The following TUSC3 variants were observed in gnomAD, a reference collection of about 807,000 sequenced individuals.
The protein encoded by TUSC3 is dolichyl-diphosphooligosaccharide--protein glycosyltransferase subunit TUSC3.
TUSC3 carries 45 observed loss-of-function variants against 44.8 expected under a neutral mutation model. The ratio of observed to expected loss-of-function variants is 1.00; its 90% confidence interval spans 0.79 to 1.29. The LOEUF is 1.29. Ranked by LOEUF, TUSC3 falls within the 50% of genes most tolerant of loss-of-function variation. TUSC3 has a pLI of 0.00. For missense variants in TUSC3, 519 were observed against 437.9 expected, an observed-to-expected ratio of 1.19 and a Z score of -1.65; for synonymous variants, 212 against 152.9, an observed-to-expected ratio of 1.39 and a Z score of -2.85.
chr8:15,462,313 T>C (rs1476265354), intron 1 of TUSC3, among the ~76,000 whole-genome samples: 1 of 152,000 alleles, frequency 6.6e-6, no homozygotes, highest in Non-Finnish European at 1.5e-5. Context: ...TACAACTCAA[T>C]AATAAAGAAA....
intron 2 of TUSC3, among the ~76,000 whole-genome samples, chr8:15,631,671 TGTG>T (rs1805770728): frequency 5.9e-5 from 1 of 16,956 alleles, no homozygotes; most frequent in Non-Finnish European, 1.2e-4. Context: ...AAGGCTGTTG[TGTG>T]TGTGTGTGTG....
chr8:15,499,681 G>A (rs1217186098), intron 2 of TUSC3, among the ~76,000 whole-genome samples: 1 of 152,160 alleles, frequency 6.6e-6, no homozygotes, highest in African/African-American at 2.4e-5. Context: ...TATTCTGGGT[G>A]TGTCTGTGAG....
intron 1 of TUSC3, among the ~76,000 whole-genome samples, chr8:15,584,857 C>T (rs565984029): frequency 1.4e-4 from 21 of 152,080 alleles, no homozygotes; most frequent in Admixed American, 9.2e-4. Context: ...TGAAGTGAGT[C>T]TGGAAAGATA....
intron 2 of TUSC3, among the ~76,000 whole-genome samples, chr8:15,491,610 A>C (rs1422615408): frequency 6.6e-6 from 1 of 152,184 alleles, no homozygotes; most frequent in African/African-American, 2.4e-5. Context: ...AAATAGGGCT[A>C]ATTGTTTTGG....
At chr8:15,427,470 A>G (rs1340760729) in intron 1 of TUSC3, among the ~76,000 whole-genome samples, 1 of 152,102 alleles carries the variant, frequency 6.6e-6, no homozygotes, top group Non-Finnish European at 1.5e-5. Context: ...CATCCCAGTA[A>G]GATCTCAGGG....
In TUSC3 at chr8:15,528,395, C is replaced by G. The variant is rs115837631; in HGVS notation, n.189+44912C>G. Among the ~76,000 whole-genome samples, 756 of 152,262 alleles carry G rather than the reference C, an allele frequency of 5.0e-3. 6 individuals carry two copies. The highest frequency in any genetic ancestry group is 0.017 in the African/African-American group (712 of 41,550). ...ATTAATTTTAAAAGTTCGATATAAA[C>G]TTTTTATATAATTCAAAAGAGAATA... On this transcript the variant is annotated intron_variant and non_coding_transcript_variant, in intron 2 of 5. Coordinates refer to the TUSC3 transcript ENST00000503191.
Position 15,697,816 on chromosome 8 carries a change from G to A in TUSC3, c.798+23980G>A, listed in dbSNP as rs146093969. 3.9e-3 allele frequency among the ~76,000 whole-genome samples: 597 copies of A among 152,168 alleles called. 4 individuals carry two copies. Among genetic ancestry groups the A allele is most frequent in the African/African-American group, 0.013 (550 of 41,508 alleles). ...TTGTTTTAGATTTGTTTTGATTTAC[G>A]TAGTAACTAGCAGACTTAGCTATAT... On this transcript the variant is annotated intron_variant, in intron 6 of 10. Coordinates refer to ENST00000503731, the MANE Select transcript of TUSC3 (RefSeq NM_006765.4).
At chr8:15,551,119 C>G (rs1259329311) in intron 1 of TUSC3, among the ~76,000 whole-genome samples, 2 of 151,730 alleles carry the variant, frequency 1.3e-5, no homozygotes, top group African/African-American at 4.8e-5. Flanking sequence ...TGAACAAGAT[C>G]AGGATTTCTG....
At chr8:15,507,426 T>C (rs1445018909) in intron 2 of TUSC3, among the ~76,000 whole-genome samples, 2 of 152,264 alleles carry the variant, frequency 1.3e-5, no homozygotes, top group African/African-American at 4.8e-5. Flanking sequence ...CAGTTGAAAG[T>C]GGAATATTTG....
intron 1 of TUSC3, among the ~76,000 whole-genome samples, chr8:15,549,074 A>G (rs1801966148): frequency 6.6e-6 from 1 of 151,936 alleles, no homozygotes; most frequent in African/African-American, 2.4e-5. Context: ...TACCTTAAAA[A>G]TTGTTAGTCC....
intron 7 of TUSC3, chr8:15,733,639 C>G (rs1810814953): frequency 1.2e-5 from 2 of 160,050 alleles, no homozygotes; most frequent in Admixed American, 6.5e-5. Flanking sequence ...AGTCTGTATT[C>G]TCTTTATGCT....
chr8:15,818,529 T>C, the TUSC3 span, among the ~76,000 whole-genome samples: 1 of 152,222 alleles, frequency 6.6e-6, no homozygotes, highest in Non-Finnish European at 1.5e-5. Flanking sequence ...ACTCAGCCAC[T>C]GCATTAGACA....
rs1043391815 is a variant in TUSC3, at chr8:15,748,285, T to C, written c.938-90T>C. ...TACCATGAACTGTTAAATGTAAGTA[T>C]ACTGTAATTGAATGCATTTAAAAAT... is the stretch of plus-strand genomic sequence containing the variant. On this transcript the variant is annotated intron_variant, in intron 8 of 10. Coordinates refer to ENST00000503731, the MANE Select transcript of TUSC3 (RefSeq NM_006765.4). 7.4e-6 allele frequency: 7 copies of C among 949,260 alleles called. 1 individual carries two copies. The African/African-American group carries it at 8.1e-5, about 11-fold the overall frequency. The allele number at this position is 949,260 out of a possible 1,614,324, so 58.8% of individuals were successfully genotyped here.
intron 8 of TUSC3, 63 bp from the exon 9 acceptor site, chr8:15,748,312 T>TAAAC (rs1194717830): frequency 1.6e-5 from 20 of 1,237,434 alleles, no homozygotes; most frequent in Non-Finnish European, 2.0e-5. Context: ...TTTAAAAATA[T>TAAAC]AAACAATTGG....
intron 6 of TUSC3, among the ~76,000 whole-genome samples, chr8:15,680,818 T>C (rs1808394639): frequency 6.6e-6 from 1 of 152,120 alleles, no homozygotes; most frequent in Non-Finnish European, 1.5e-5. Flanking sequence ...TATTGAAAGC[T>C]TTTTCTGTGC....
At chr8:15,486,885 T>C (rs1369991040) in intron 2 of TUSC3, among the ~76,000 whole-genome samples, 1 of 152,220 alleles carries the variant, frequency 6.6e-6, no homozygotes, top group Middle Eastern at 3.2e-3. Flanking sequence ...TATGCAGTAA[T>C]AGCAATATAT....
intron 1 of TUSC3, among the ~76,000 whole-genome samples, chr8:15,469,782 C>T (rs973443955): frequency 1.3e-5 from 2 of 152,144 alleles, no homozygotes; most frequent in Non-Finnish European, 2.9e-5. Flanking sequence ...AACTGTGGTA[C>T]ATCCAGATAA....
intron 1 of TUSC3, among the ~76,000 whole-genome samples, chr8:15,620,388 T>C (rs558197138): frequency 3.3e-4 from 50 of 152,312 alleles, no homozygotes; most frequent in Non-Finnish European, 5.1e-4. Flanking sequence ...AAATTACATA[T>C]AGTTAGAATT....
intron 6 of TUSC3, among the ~76,000 whole-genome samples, chr8:15,703,770 C>T (rs1372384560): frequency 2.0e-5 from 3 of 152,166 alleles, no homozygotes; most frequent in Non-Finnish European, 4.4e-5. Context: ...AGGGTGGCAC[C>T]AAGTCCCCCA....
Sources: gnomAD v4.1 joint callset for allele counts (sites outside exome capture counted in the v4.1 genomes callset) on GRCh38, gnomAD v4.1.1 for gene constraint, MANE v1.5 for transcripts, NCBI Gene and HGNC (gene_info 2026-07-23, HGNC 2026-07-21) for gene names.